Variants in GPATCH2 observed in about 807,000 individuals in gnomAD.
GPATCH2 encodes the protein G-patch domain containing 2, also known as G patch domain-containing protein 2.
A neutral mutation model predicts 58.0 loss-of-function variants in GPATCH2; 51 were observed. That is an observed-to-expected ratio of 0.88 (90% confidence interval 0.70 to 1.11). The LOEUF (loss-of-function observed/expected upper bound fraction) is 1.11, where lower values mean the gene tolerates loss of function less well. GPATCH2 is among the 50% of genes most tolerant of loss of function. The probability of loss-of-function intolerance (pLI) is 0.00; values close to 1 mark genes in which losing one functional copy is unlikely to be tolerated. For synonymous variants in GPATCH2, 222 were observed against 218.5 expected (o/e 1.02, Z -0.14); for missense variants, 625 against 652.2 (o/e 0.96, Z 0.45).
chr1:217,597,310 A>G (rs1361155149), intron 5 of GPATCH2, among the ~76,000 whole-genome samples: 1 of 151,356 alleles, frequency 6.6e-6, no homozygotes. Flanking sequence ...CTACTGCACT[A>G]TAGCCTGGGC....
At position 217,614,174 on chromosome 1, in the gene GPATCH2, C is replaced by T. The variant is rs145939489; in HGVS notation, c.802G>A (p.Ala268Thr). The change falls in exon 3 of 10, where the codon GCT (alanine) becomes ACT (threonine). Residue 268 changes from alanine (A) to threonine (T), a missense_variant. By Grantham distance (58) the Ala-to-Thr change is moderately conservative. Transcript: ENST00000366935. ...SDSSSLSSTD[A>T]GLFTNDEGRQ... ...CCCTCATCATTGGTAAACAATCCAG[C>T]ATCAGTGCTGCTGAGACTGCTGGAA... is the stretch of plus-strand genomic sequence containing the variant. 9 of 1,585,018 alleles carry T rather than the reference C, an allele frequency of 5.7e-6. No homozygotes were observed. Among genetic ancestry groups the T allele is most frequent in the Non-Finnish European group, 6.9e-6 (8 of 1,153,998 alleles).
intron 5 of GPATCH2, among the ~76,000 whole-genome samples, chr1:217,524,519 G>A (rs1198024957): frequency 2.0e-5 from 3 of 151,886 alleles, no homozygotes; most frequent in Non-Finnish European, 2.9e-5. Flanking sequence ...CTGCTGGGAG[G>A]TGGATGTTGT....
At chr1:217,616,573 C>T (rs371680005) in intron 2 of GPATCH2, among the ~76,000 whole-genome samples, 4 of 152,086 alleles carry the variant, frequency 2.6e-5, no homozygotes, top group Admixed American at 6.6e-5. Context: ...TCTTGATTTA[C>T]ATTTCACCTC....
chr1:217,609,352 T>C, intron 5 of GPATCH2: 1 of 985,114 alleles, frequency 1.0e-6, no homozygotes, highest in Non-Finnish European at 1.2e-6. Flanking sequence ...TTGTTAAAAA[T>C]ACCAGCTTTC....
intron 5 of GPATCH2, among the ~76,000 whole-genome samples, chr1:217,560,467 C>A (rs910799641): frequency 1.3e-5 from 2 of 152,154 alleles, no homozygotes; most frequent in Admixed American, 6.5e-5. Flanking sequence ...CCAGTTTTTC[C>A]ATTTCTGCAC....
intron 9 of GPATCH2, among the ~76,000 whole-genome samples, chr1:217,443,960 T>A (rs1297094207): frequency 6.6e-6 from 1 of 152,220 alleles, no homozygotes; most frequent in East Asian, 1.9e-4. Flanking sequence ...TTTTGGTTTA[T>A]GAGATCGTCA....
Position 217,463,094 on chromosome 1 carries a change from G to A in GPATCH2, c.1278-13757C>T, listed in dbSNP as rs150203191. ...ATATGGCATAATTTGGCATTTTTGA[G>A]GCCCAATCATAAGTACAAAAGAGTA... On this transcript the variant is annotated intron_variant, in intron 8 of 9. Transcript: ENST00000366935. Among the ~76,000 whole-genome samples the A allele has an allele frequency of 1.6e-4, 24 of 152,240 alleles. No homozygotes were observed. The East Asian group carries it at 4.6e-3, about 29-fold the overall frequency.
chr1:217,580,093 C>T (rs748411081), intron 5 of GPATCH2, among the ~76,000 whole-genome samples: 35 of 152,054 alleles, frequency 2.3e-4, no homozygotes, highest in Non-Finnish European at 3.7e-4. Context: ...TCAAATAATT[C>T]GTTTCACTTA....
intron 5 of GPATCH2, among the ~76,000 whole-genome samples, chr1:217,577,869 A>T (rs889916957): frequency 6.6e-6 from 1 of 151,870 alleles, no homozygotes; most frequent in Admixed American, 6.6e-5. Flanking sequence ...TGCTTCAGCC[A>T]CCCGAGTAGC....
At position 217,552,560 on chromosome 1, in the gene GPATCH2, C is replaced by A. The variant is rs185641319; in HGVS notation, c.1099-37671G>T. ...GAAAAGTCCATATGTTACTGTGCCA[C>A]CATAAATTATGTTGGAACGAATGGT... On this transcript the variant is annotated intron_variant, in intron 5 of 9. Transcript: ENST00000366935. 7.5e-4 allele frequency among the ~76,000 whole-genome samples: 114 copies of A among 152,186 alleles called. 1 individual carries two copies. The highest frequency in any genetic ancestry group is 2.4e-3 in the African/African-American group (99 of 41,544).
intron 3 of GPATCH2, 102 bp downstream of exon 3, chr1:217,614,039 G>A (rs1409484035): frequency 1.4e-6 from 1 of 737,806 alleles, no homozygotes; most frequent in Non-Finnish European, 2.5e-6. Flanking sequence ...TATGTGTAAG[G>A]TAAATGGATT....
chr1:217,559,196 G>C (rs527907589), intron 5 of GPATCH2, among the ~76,000 whole-genome samples: 35 of 151,934 alleles, frequency 2.3e-4, no homozygotes, highest in Non-Finnish European at 4.4e-4. Flanking sequence ...AGGTTAGATG[G>C]CATGTGTAGA....
intron 5 of GPATCH2, among the ~76,000 whole-genome samples, chr1:217,523,715 G>A (rs534050080): frequency 1.0e-4 from 15 of 150,280 alleles, no homozygotes; most frequent in Admixed American, 6.6e-5. Context: ...GGTGGTGGCC[G>A]GGCAGAGGGG....
At chr1:217,612,496 T>C (rs1392915648) in intron 3 of GPATCH2, among the ~76,000 whole-genome samples, 1 of 152,154 alleles carries the variant, frequency 6.6e-6, no homozygotes, top group Non-Finnish European at 1.5e-5. Context: ...TTTCAAAAAT[T>C]AGAGTCATCA....
chr1:217,490,596 T>A (rs1246368956), intron 8 of GPATCH2, among the ~76,000 whole-genome samples: 1 of 152,224 alleles, frequency 6.6e-6, no homozygotes. Flanking sequence ...AGATGTATCT[T>A]TCCTTTCACT....
rs1428294227 is a variant in GPATCH2 at position 217,610,417 on chromosome 1, C to G, written c.1019-17G>C. On this transcript the variant is annotated splice_polypyrimidine_tract_variant and intron_variant, in intron 4 of 9. Coordinates refer to ENST00000366935, the MANE Select transcript of GPATCH2 (RefSeq NM_018040.5). ...CTTGGAAACCTGTAAAATCAAAGTA[C>G]TCAATTTAGAAGTTTTCTATGATCA... 6.1e-6 allele frequency: 9 copies of G among 1,466,322 alleles called. No individual in the cohort carries two copies. Among genetic ancestry groups the G allele is most frequent in the African/African-American group, 4.2e-5 (3 of 71,410 alleles). The allele number at this position is 1,466,322 out of a possible 1,614,324, so 90.8% of individuals were successfully genotyped here. A position where few individuals can be genotyped will look rare whatever the true frequency, so the allele number is the denominator to read the frequency against.
At chr1:217,455,697 T>C (rs576833503) in intron 8 of GPATCH2, among the ~76,000 whole-genome samples, 47 of 152,186 alleles carry the variant, frequency 3.1e-4, no homozygotes, top group Non-Finnish European at 4.3e-4. Context: ...AGGTAGAAGA[T>C]GGCAGTACCC....
At chr1:217,543,334 A>G (rs540849254) in intron 5 of GPATCH2, among the ~76,000 whole-genome samples, 345 of 150,040 alleles carry the variant, frequency 2.3e-3, no homozygotes, top group African/African-American at 8.1e-3. Flanking sequence ...CAGTGGCGCA[A>G]TCTCGGCTCA....
chr1:217,542,817 C>A (rs950532818), intron 5 of GPATCH2, among the ~76,000 whole-genome samples: 1 of 152,174 alleles, frequency 6.6e-6, no homozygotes, highest in Non-Finnish European at 1.5e-5. Flanking sequence ...CCAGAGTTGA[C>A]AAGATATTTT....
Sources: gnomAD v4.1 joint callset for allele counts (sites outside exome capture counted in the v4.1 genomes callset) on GRCh38, gnomAD v4.1.1 for gene constraint, MANE v1.5 for transcripts, NCBI Gene and HGNC (gene_info 2026-07-23, HGNC 2026-07-21) for gene names.